ZNF471: variants seen among roughly 807,000 people sequenced by gnomAD.
ZNF471 encodes the protein EZFIT-related protein 1.
ZNF471 carries 7 observed loss-of-function variants against 13.7 expected under a neutral mutation model. That is an observed-to-expected ratio of 0.51 (90% CI 0.29 to 0.96). ZNF471 has a LOEUF of 0.96. ZNF471 is among the 40% of genes least tolerant of loss of function. The pLI is 0.08. For missense variants in ZNF471, 663 were observed against 743.3 expected (o/e 0.89, Z 1.26); for synonymous variants, 218 against 235.6 (o/e 0.93, Z 0.68).
In ZNF471 at chr19:56,529,684, T is replaced by C. The variant is rs2044086539; in HGVS notation, c.*3736T>C. ...GGATGAAGAAATTAAAATGGTTAAA[T>C]AGAAGAAGTTCTCAACCTCACTAAT... is the stretch of plus-strand genomic sequence containing the variant. On this transcript the variant is annotated 3_prime_UTR_variant, in exon 5 of 5. Coordinates refer to ENST00000308031, the MANE Select transcript of ZNF471 (RefSeq NM_020813.4). 1 of 152,196 alleles carries C rather than the reference T, an allele frequency of 6.6e-6. No individual in the cohort carries two copies. The highest frequency in any genetic ancestry group is 2.4e-5 in the African/African-American group (1 of 41,468). The allele number at this position is 152,196 out of a possible 1,614,324, so 9.4% of individuals were successfully genotyped here.
chr19:56,510,965 C>T lies in ZNF471; in HGVS notation c.-55-552C>T, dbSNP rs138161951. The T allele has an allele frequency of 3.9e-5, 38 of 985,242 alleles. 1 individual carries two copies. The East Asian group carries it at 3.8e-3, about 97-fold the overall frequency. 61.0% of individuals were successfully genotyped at this position (985,242 alleles called of 1,614,324 possible). A position where few individuals can be genotyped will look rare whatever the true frequency, so the allele number is the denominator to read the frequency against. On this transcript the variant is annotated intron_variant, in intron 1 of 4. Transcript: ENST00000308031. This position sits in a 1 kb window ranked among gnomAD's most constrained non-coding sequence, Gnocchi z 4.3. ...CAGAATTGAGTGCTAAAGGTTCCAT[C>T]GTTTCAGGGTGAGGAAAGTGAAACA...
Position 56,511,555 on chromosome 19 carries a change from C to G in ZNF471, c.-17C>G. ...AGACACTGTTCTTCAAGAGAAAGACCAGAAGAGAAGGCAAAAATGAATGTT... is the reference window on the plus strand; with the variant it reads ...AGACACTGTTCTTCAAGAGAAAGACGAGAAGAGAAGGCAAAAATGAATGTT... On this transcript the variant is annotated 5_prime_UTR_variant, in exon 2 of 5. Coordinates refer to ENST00000308031, the MANE Select transcript of ZNF471 (RefSeq NM_020813.4). 2 of 1,613,870 alleles carry G rather than the reference C, an allele frequency of 1.2e-6. No individual in the cohort carries two copies. Among genetic ancestry groups the G allele is most frequent in the East Asian group, 4.5e-5 (2 of 44,840 alleles).
chr19:56,511,062 G>A, intron 1 of ZNF471: 1 of 980,316 alleles, frequency 1.0e-6, no homozygotes, highest in Non-Finnish European at 1.2e-6. Context: ...GGCCTCTGGT[G>A]GCATTTGGGA....
chr19:56,508,200 G>C lies in ZNF471; in HGVS notation c.-56+280G>C. The C allele has an allele frequency of 2.0e-6, 2 of 982,466 alleles. No individual in the cohort carries two copies. The highest frequency in any genetic ancestry group is 2.4e-6 in the Non-Finnish European group (2 of 828,242). The allele number at this position is 982,466 out of a possible 1,614,324, so 60.9% of individuals were successfully genotyped here. ...GCCTGTGTGTAAAAGATCTGTCAGA[G>C]TGTGAGGCTCCGTGAGAGGGTGTGG... On this transcript the variant is annotated intron_variant, in intron 1 of 4. Transcript: ENST00000308031. This position sits in a 1 kb window ranked among gnomAD's most constrained non-coding sequence, Gnocchi z 4.7.
In ZNF471 at chr19:56,525,001, C is replaced by G. The variant is rs762679109; in HGVS notation, c.934C>G (p.His312Asp). The G allele has an allele frequency of 5.6e-6, 9 of 1,614,092 alleles. No individual in the cohort carries two copies. The highest frequency in any genetic ancestry group is 5.0e-5 in the Admixed American group (3 of 60,008). ...ACACCTTGCTCAGCATCAGAGAATT[C>G]ATACTGGAGAGAAACCCTATGAATG... ...PAHLAQHQRI[H>D]TGEKPYECKE... The change falls in exon 5 of 5, where the codon CAT becomes GAT. Residue 312 changes from histidine (H) to aspartate (D), a missense_variant. Transcript: ENST00000308031.
chr19:56,510,510 G>A lies in ZNF471; in HGVS notation c.-55-1007G>A. 1.0e-6 allele frequency: 1 copy of A among 985,764 alleles called. No individual in the cohort carries two copies. The highest frequency in any genetic ancestry group is 4.7e-5 in the South Asian group (1 of 21,278). The allele number at this position is 985,764 out of a possible 1,614,324, so 61.1% of individuals were successfully genotyped here. On this transcript the variant is annotated intron_variant, in intron 1 of 4. Transcript: ENST00000308031. This position sits in a 1 kb window ranked among gnomAD's most constrained non-coding sequence, Gnocchi z 4.3. ...TGTGTGTGTGAGAGAAGTAAGATTG[G>A]GGGTATGTGTGAAGGTGTTGGTGAA...
rs868335536 is a variant in ZNF471 at position 56,511,703 on chromosome 19, C to T, written c.33+99C>T. ...TTTGAAAATTCCCTGATTAACAGTC[C>T]AGGAGCCTAGTTCCCACTTCTCTCA... On this transcript the variant is annotated intron_variant, in intron 2 of 4. Transcript: ENST00000308031. 7 of 995,284 alleles carry T rather than the reference C, an allele frequency of 7.0e-6. No individual in the cohort carries two copies. The African/African-American group carries it at 1.1e-4, about 16-fold the overall frequency. 61.7% of individuals were successfully genotyped at this position (995,284 alleles called of 1,614,324 possible).
At position 56,526,266 on chromosome 19, in the gene ZNF471, G is replaced by A. The variant is rs747922534; in HGVS notation, c.*318G>A. On this transcript the variant is annotated 3_prime_UTR_variant, in exon 5 of 5. Transcript: ENST00000308031. Reference sequence around the variant, plus strand: ...CCTCACCTGGGAAGTGCAAGGAGTCGGGGATCTCCCTCCCCTAGCCAAGGG... The same window carrying A: ...CCTCACCTGGGAAGTGCAAGGAGTCAGGGATCTCCCTCCCCTAGCCAAGGG... The A allele has an allele frequency of 6.2e-5, 15 of 241,048 alleles. No homozygotes were observed. Among genetic ancestry groups the A allele is most frequent in the South Asian group, 3.0e-4 (3 of 9,914 alleles). 14.9% of individuals were successfully genotyped at this position (241,048 alleles called of 1,614,324 possible).
intron 4 of ZNF471, among the ~76,000 whole-genome samples, chr19:56,518,872 A>T (rs1014986579): frequency 2.6e-5 from 4 of 152,146 alleles, no homozygotes; most frequent in African/African-American, 9.7e-5. Context: ...TCGCTTTGCC[A>T]TACAGACTTA....
At chr19:56,518,919 C>G (rs1305995235) in intron 4 of ZNF471, among the ~76,000 whole-genome samples, 1 of 152,142 alleles carries the variant, frequency 6.6e-6, no homozygotes, top group East Asian at 1.9e-4. Flanking sequence ...TTTCTTAACT[C>G]TTGAATTAGG....
At position 56,526,786 on chromosome 19, in the gene ZNF471, G is replaced by A. The variant is rs2044054089; in HGVS notation, c.*838G>A. 1 of 152,284 alleles carries A rather than the reference G, an allele frequency of 6.6e-6. No homozygotes were observed. The highest frequency in any genetic ancestry group is 2.4e-5 in the African/African-American group (1 of 41,442). 9.4% of individuals were successfully genotyped at this position (152,284 alleles called of 1,614,324 possible). ...TCCACAGCTCAGCAAAGCCTCTGTA[G>A]CCAGACTGCCTCTCTAGATTCCTCC... is the stretch of plus-strand genomic sequence containing the variant. On this transcript the variant is annotated 3_prime_UTR_variant, in exon 5 of 5. Coordinates refer to ENST00000308031, the MANE Select transcript of ZNF471 (RefSeq NM_020813.4).
chr19:56,511,442 GAC>G, intron 1 of ZNF471, 73 bp from the exon 2 acceptor site: 1 of 1,154,898 alleles, frequency 8.7e-7, no homozygotes, highest in Admixed American at 2.6e-5. Flanking sequence ...GGAAGAAGAA[GAC>G]AGTTTTAGGC....
At chr19:56,511,749 T>C (rs1183153986) in intron 2 of ZNF471, 145 bp downstream of exon 2, 2 of 659,998 alleles carry the variant, frequency 3.0e-6, no homozygotes, top group African/African-American at 1.8e-5. Flanking sequence ...TCTTTAACTC[T>C]AATTACCTAA....
At position 56,510,552 on chromosome 19, in the gene ZNF471, T is replaced by C. The variant is rs76038009; in HGVS notation, c.-55-965T>C. The stretch of plus-strand genomic sequence containing the variant: ...GTTGGTGAATCACCACGTGTGCTTA[T>C]ATTCATGTCCTCAGGCAATGGAAAT... On this transcript the variant is annotated intron_variant, in intron 1 of 4. Coordinates refer to ENST00000308031, the MANE Select transcript of ZNF471 (RefSeq NM_020813.4). This position sits in a 1 kb window ranked among gnomAD's most constrained non-coding sequence, Gnocchi z 4.3. 3,417 of 985,714 alleles carry C rather than the reference T, an allele frequency of 3.5e-3. 95 individuals are homozygous for C. In the African/African-American group the frequency reaches 0.055, roughly 16 times the overall value. The allele number at this position is 985,714 out of a possible 1,614,324, so 61.1% of individuals were successfully genotyped here.
At position 56,508,755 on chromosome 19, in the gene ZNF471, CTG is replaced by C. The variant is rs200367209; in HGVS notation, c.-56+836_-56+837del. On this transcript the variant is annotated intron_variant, in intron 1 of 4. Transcript: ENST00000308031. This position sits in a 1 kb window ranked among gnomAD's most constrained non-coding sequence, Gnocchi z 4.7. ...GGCCGTGTTATGTGTGTCTGACAGA[CTG>C]AGAGAGACCAGAGTGTGAGACCAGG... Among the ~76,000 whole-genome samples, 2,160 of 151,084 alleles carry C rather than the reference CTG, an allele frequency of 0.014. 57 individuals are homozygous for C. Among genetic ancestry groups the C allele is most frequent in the African/African-American group, 0.047 (1,915 of 41,094 alleles).
At position 56,516,285 on chromosome 19, in the gene ZNF471, C is replaced by T; in HGVS notation, c.44C>T (p.Thr15Ile). The T allele has an allele frequency of 6.2e-7, 1 of 1,613,510 alleles. No individual in the cohort carries two copies. Among genetic ancestry groups the T allele is most frequent in the Non-Finnish European group, 8.5e-7 (1 of 1,179,632 alleles). The change falls in exon 3 of 5, where the codon ACA becomes ATA. Residue 15 changes from threonine to isoleucine, a missense_variant. Coordinates refer to ENST00000308031, the MANE Select transcript of ZNF471 (RefSeq NM_020813.4). The surrounding 1 kb of genome is among the most constrained non-coding windows in gnomAD (Gnocchi z 4.4). ...TATTTGTCACTTCAGGACTTAGTGA[C>T]ATTCAAGGATGTGGCAATAGATTTT... ...VVKVMPQDLVTFKDVAIDFSQ... is the reference protein window; with the variant it reads ...VVKVMPQDLVIFKDVAIDFSQ...
rs1226671858 is a variant in ZNF471 at position 56,524,339 on chromosome 19, A to G, written c.272A>G (p.Tyr91Cys). Residue 91 changes from tyrosine to cysteine, a missense_variant, in exon 5 of 5, where the codon TAT (tyrosine) becomes TGT (cysteine). Tyr to Cys is a radical substitution (Grantham distance 194). Coordinates refer to ENST00000308031, the MANE Select transcript of ZNF471 (RefSeq NM_020813.4). The surrounding 1 kb of genome is among the most constrained non-coding windows in gnomAD (Gnocchi z 4.8). The stretch of plus-strand genomic sequence containing the variant: ...TATCTTTCAGATTGGGAATCTATAT[A>G]TGTGACACAGGAATTACCTCTGAAG... The part of the protein sequence containing the change: ...RSPFSDWESI[Y>C]VTQELPLKQF... 6.4e-7 allele frequency: 1 copy of G among 1,568,550 alleles called. No individual in the cohort carries two copies. Among genetic ancestry groups the G allele is most frequent in the Non-Finnish European group, 8.6e-7 (1 of 1,162,436 alleles).
chr19:56,516,788 A>C lies in ZNF471; in HGVS notation c.160+387A>C, dbSNP rs1054988448. 1.3e-5 allele frequency among the ~76,000 whole-genome samples: 2 copies of C among 152,262 alleles called. No individual in the cohort carries two copies. Among genetic ancestry groups the C allele is most frequent in the Admixed American group, 6.5e-5 (1 of 15,288 alleles). On this transcript the variant is annotated intron_variant, in intron 3 of 4. Transcript: ENST00000308031. The surrounding 1 kb of genome is among the most constrained non-coding windows in gnomAD (Gnocchi z 4.4). ...AATCTGTATCTTTGTATTAAGTAACAAACTGAAGACACAAACTGAAAATGG... is the reference window on the plus strand; with the variant it reads ...AATCTGTATCTTTGTATTAAGTAACCAACTGAAGACACAAACTGAAAATGG...
At position 56,516,116 on chromosome 19, in the gene ZNF471, T is replaced by TA. The variant is rs542032433; in HGVS notation, c.34-156dup. Among the ~76,000 whole-genome samples, 179 of 152,364 alleles carry TA rather than the reference T, an allele frequency of 1.2e-3. 1 individual carries two copies. The highest frequency in any genetic ancestry group is 4.2e-3 in the African/African-American group (175 of 41,582). The stretch of plus-strand genomic sequence containing the variant: ...TTGGCCCCATTGTACCCAATGCAGT[T>TA]AAACACTTCCATAAGTACTGTTTTG... On this transcript the variant is annotated intron_variant, in intron 2 of 4. Coordinates refer to ENST00000308031, the MANE Select transcript of ZNF471 (RefSeq NM_020813.4). The surrounding 1 kb of genome is among the most constrained non-coding windows in gnomAD (Gnocchi z 4.4).
Sources: allele counts gnomAD v4.1 joint callset (sites outside exome capture counted in the v4.1 genomes callset), GRCh38; gene constraint gnomAD v4.1.1; non-coding constraint Gnocchi (gnomAD v3.1); transcripts MANE v1.5; gene names NCBI Gene and HGNC (gene_info 2026-07-23, HGNC 2026-07-21).